SRGAP3: variants seen among roughly 807,000 people sequenced by gnomAD.
SRGAP3 encodes the protein SLIT-ROBO Rho GTPase-activating protein 3.
SRGAP3 carries 39 observed loss-of-function variants against 121.1 expected under a neutral mutation model. The ratio of observed to expected loss-of-function variants is 0.32; its 90% CI spans 0.25 to 0.42. The LOEUF is 0.42. Ranked by LOEUF, SRGAP3 falls within the 10% of genes least tolerant of loss-of-function variation. The probability of loss-of-function intolerance (pLI) is 1.00; values close to 1 mark genes in which losing one functional copy is unlikely to be tolerated. For missense variants in SRGAP3, 1,213 were observed against 1,470.6 expected, an observed-to-expected ratio of 0.82 and a Z score of 2.86; for synonymous variants, 601 against 570.0, an observed-to-expected ratio of 1.05 and a Z score of -0.77.
intron 1 of SRGAP3, among the ~76,000 whole-genome samples, chr3:9,137,659 A>G (rs2125023321): frequency 6.6e-6 from 1 of 152,326 alleles, no homozygotes; most frequent in East Asian, 1.9e-4. Context: ...TGAAAGCAGA[A>G]ATCCAGCTCT....
chr3:9,060,302 A>T lies in SRGAP3; in HGVS notation c.730T>A (p.Leu244Met). 2.5e-6 allele frequency: 4 copies of T among 1,614,224 alleles called. No individual in the cohort carries two copies. The highest frequency in any genetic ancestry group is 3.4e-6 in the Non-Finnish European group (4 of 1,180,028). Residue 244 changes from leucine (L) to methionine (M), a missense_variant, in exon 6 of 22, where the codon TTG becomes ATG. Physicochemically the swap from Leu to Met is conservative, Grantham distance 15. This residue lies in a region of SRGAP3 where 793 missense variants were observed against 1,032.9 expected (regional missense o/e 0.77). Coordinates refer to ENST00000383836, the MANE Select transcript of SRGAP3 (RefSeq NM_014850.4). ...LKCTKARNDY[L>M]LNLAATNAAI... ...GCGTTGGTGGCTGCCAGATTGAGCA[A>T]GTAGTCATTCCGGGCCTTTGTGCAT...
intron 3 of SRGAP3, among the ~76,000 whole-genome samples, chr3:9,083,098 G>A (rs1947313968): frequency 6.6e-6 from 1 of 152,080 alleles, no homozygotes; most frequent in Admixed American, 6.5e-5. Flanking sequence ...TATTCTCCAT[G>A]ACTCTCTCAA....
At chr3:9,190,109 G>A (rs1359114385) in intron 1 of SRGAP3, among the ~76,000 whole-genome samples, 1 of 152,148 alleles carries the variant, frequency 6.6e-6, no homozygotes. Flanking sequence ...GACAAAGTAG[G>A]GATTGACACA....
intron 9 of SRGAP3, among the ~76,000 whole-genome samples, chr3:9,050,509 T>G (rs2125153058): frequency 6.6e-6 from 1 of 152,348 alleles, no homozygotes; most frequent in South Asian, 2.1e-4. Flanking sequence ...ATTGCATTGA[T>G]GTTTGCATTG....
At chr3:9,346,786 C>T (rs1006647034) in intron 1 of SRGAP3, among the ~76,000 whole-genome samples, 6 of 148,808 alleles carry the variant, frequency 4.0e-5, no homozygotes, top group Admixed American at 1.3e-4. Context: ...CAAAGTCTCA[C>T]TCTTCTCCCC....
chr3:9,340,567 G>C (rs868866305), intron 1 of SRGAP3, among the ~76,000 whole-genome samples: 57 of 152,186 alleles, frequency 3.7e-4, no homozygotes, highest in African/African-American at 1.4e-3. Flanking sequence ...TCCAGCCATA[G>C]AAGGGTAACA....
chr3:9,278,573 C>T (rs139882550), intron 3 of SRGAP3, among the ~76,000 whole-genome samples: 73 of 152,238 alleles, frequency 4.8e-4, no homozygotes, highest in African/African-American at 1.7e-3. Context: ...GTGTATGTCA[C>T]GAGAAAGTGC....
chr3:9,202,306 C>T (rs543360825), intron 1 of SRGAP3, among the ~76,000 whole-genome samples: 13 of 152,282 alleles, frequency 8.5e-5, no homozygotes, highest in Non-Finnish European at 1.5e-4. Flanking sequence ...TTAGTGCCCA[C>T]GTTATCTGCC....
At chr3:9,265,685 C>T (rs1234613078) in intron 3 of SRGAP3, among the ~76,000 whole-genome samples, 1 of 151,956 alleles carries the variant, frequency 6.6e-6, no homozygotes, top group African/African-American at 2.4e-5. Context: ...CCATCTCACA[C>T]CAGTTAGAAT....
intron 10 of SRGAP3, among the ~76,000 whole-genome samples, chr3:9,042,569 G>T (rs1945071717): frequency 1.3e-5 from 2 of 152,312 alleles, no homozygotes; most frequent in African/African-American, 4.8e-5. Flanking sequence ...GCCACAAGCA[G>T]TTACATGGGT....
chr3:9,327,864 C>A (rs1162176904), intron 2 of SRGAP3, among the ~76,000 whole-genome samples: 1 of 151,578 alleles, frequency 6.6e-6, no homozygotes, highest in African/African-American at 2.4e-5. Flanking sequence ...ATTCAAACAA[C>A]CAGTCATTTT....
At chr3:9,098,503 C>T (rs759294262) in intron 3 of SRGAP3, among the ~76,000 whole-genome samples, 4 of 152,060 alleles carry the variant, frequency 2.6e-5, no homozygotes, top group African/African-American at 7.2e-5. Context: ...TGAGCTCAAG[C>T]GATCCTCCCC....
intron 2 of SRGAP3, among the ~76,000 whole-genome samples, chr3:9,116,629 G>A (rs936596202): frequency 1.3e-5 from 2 of 152,144 alleles, no homozygotes; most frequent in Non-Finnish European, 2.9e-5. Context: ...TGACCAGGAG[G>A]ATAATAGCAA....
At chr3:9,299,145 G>A (rs531387835) in intron 3 of SRGAP3, among the ~76,000 whole-genome samples, 349 of 150,142 alleles carry the variant, frequency 2.3e-3, no homozygotes, top group African/African-American at 7.6e-3. Flanking sequence ...GATGGATCAC[G>A]AGGTCAGGAG....
At chr3:9,176,219 C>T (rs1244340621) in intron 1 of SRGAP3, among the ~76,000 whole-genome samples, 1 of 152,236 alleles carries the variant, frequency 6.6e-6, no homozygotes, top group South Asian at 2.1e-4. Context: ...CACAACCAGC[C>T]TAGCTTGGGA....
chr3:9,284,814 T>A (rs868216804), intron 3 of SRGAP3, among the ~76,000 whole-genome samples: 1 of 119,128 alleles, frequency 8.4e-6, no homozygotes. Context: ...GCCTGGGCAA[T>A]AGAATGAGAG....
chr3:9,264,828 A>G (rs1014715695), intron 3 of SRGAP3, among the ~76,000 whole-genome samples: 2 of 152,268 alleles, frequency 1.3e-5, no homozygotes, highest in Non-Finnish European at 1.5e-5. Flanking sequence ...TGCTATTCCC[A>G]TCAAGCTACC....
chr3:9,311,977 CAT>C (rs1419089879), intron 3 of SRGAP3, among the ~76,000 whole-genome samples: 1 of 152,190 alleles, frequency 6.6e-6, no homozygotes, highest in Non-Finnish European at 1.5e-5. Flanking sequence ...CTTGCCAATG[CAT>C]AGAGTTCAGC....
chr3:9,133,497 A>G (rs1485492388), intron 1 of SRGAP3, among the ~76,000 whole-genome samples: 2 of 152,194 alleles, frequency 1.3e-5, no homozygotes, highest in Non-Finnish European at 2.9e-5. Flanking sequence ...AAAAGTAATA[A>G]TAATACATCA....
Sources: allele counts gnomAD v4.1 joint callset (sites outside exome capture counted in the v4.1 genomes callset), GRCh38; gene constraint gnomAD v4.1.1; regional missense constraint gnomAD v4.1.1; transcripts MANE v1.5; gene names NCBI Gene and HGNC (gene_info 2026-07-23, HGNC 2026-07-21).